FARS2: variants seen among roughly 807,000 people sequenced by gnomAD.
FARS2 encodes the protein phenylalanyl-tRNA synthetase 2, mitochondrial.
FARS2 carries 40 observed loss-of-function variants against 46.4 expected under a neutral mutation model. That is an observed-to-expected ratio of 0.86 (90% confidence interval 0.67 to 1.12). The LOEUF is 1.12. Ranked by LOEUF, FARS2 falls within the 50% of genes most tolerant of loss-of-function variation. The pLI, the probability that FARS2 is intolerant of heterozygous loss-of-function variation, is 0.00. For synonymous variants in FARS2, 234 were observed against 214.9 expected, an observed-to-expected ratio of 1.09 and a Z score of -0.78; for missense variants, 513 against 567.9, an observed-to-expected ratio of 0.90 and a Z score of 0.98.
At chr6:5,571,533 G>T (rs141940940) in intron 5 of FARS2, among the ~76,000 whole-genome samples, 65 of 152,198 alleles carry the variant, frequency 4.3e-4, no homozygotes, top group African/African-American at 1.5e-3. Context: ...TCCAGAGATG[G>T]CTTTCTGAAT....
At position 5,594,892 on chromosome 6, in the gene FARS2, G is replaced by A. The variant is rs181487746; in HGVS notation, c.1066-18277G>A. Among the ~76,000 whole-genome samples, 353 of 152,358 alleles carry A rather than the reference G, an allele frequency of 2.3e-3. 4 individuals are homozygous for A. The highest frequency in any genetic ancestry group is 0.02 in the Admixed American group (308 of 15,308). ...TCCTGGTTGCCAGTGTATAGGAGCC[G>A]TGTTGCTGAGCCCCTGACAGGAATA... On this transcript the variant is annotated intron_variant, in intron 5 of 6. Coordinates refer to ENST00000274680, the MANE Select transcript of FARS2 (RefSeq NM_006567.5).
Position 5,731,512 on chromosome 6 carries a change from G to A in FARS2, c.1218-39779G>A, listed in dbSNP as rs181402979. Among the ~76,000 whole-genome samples the A allele has an allele frequency of 1.6e-3, 242 of 152,274 alleles. 1 individual carries two copies. The highest frequency in any genetic ancestry group is 5.6e-3 in the African/African-American group (231 of 41,554). ...CTGCCCCTTGGATTAGAAGCCATGG[G>A]CGCCATTCTTTGAGCACTTTTCACA... On this transcript the variant is annotated intron_variant, in intron 6 of 6. Coordinates refer to ENST00000274680, the MANE Select transcript of FARS2 (RefSeq NM_006567.5).
intron 4 of FARS2, among the ~76,000 whole-genome samples, chr6:5,493,363 A>T (rs1469811979): frequency 6.6e-6 from 1 of 152,200 alleles, no homozygotes; most frequent in African/African-American, 2.4e-5. Flanking sequence ...TAGGGATCAC[A>T]TGTCTCTTAG....
Position 5,708,420 on chromosome 6 carries a change from G to T in FARS2, c.1218-62871G>T, listed in dbSNP as rs546311125. Among the ~76,000 whole-genome samples the T allele has an allele frequency of 3.3e-3, 502 of 152,328 alleles. 3 individuals are homozygous for T. Among genetic ancestry groups the T allele is most frequent in the Non-Finnish European group, 5.4e-3 (368 of 68,038 alleles). Reference sequence around the variant, plus strand: ...AGTCCTACATGATCAGTGAGCTCCAGTTTGTCCTGTGGTCCCCTAGGCTGT... The same window carrying T: ...AGTCCTACATGATCAGTGAGCTCCATTTTGTCCTGTGGTCCCCTAGGCTGT... On this transcript the variant is annotated intron_variant, in intron 6 of 6. Transcript: ENST00000274680.
At chr6:5,655,291 GCA>G (rs1777556951) in intron 6 of FARS2, among the ~76,000 whole-genome samples, 1 of 152,196 alleles carries the variant, frequency 6.6e-6, no homozygotes, top group Non-Finnish European at 1.5e-5. Flanking sequence ...TGGTGTTTGA[GCA>G]GTAATCCTTT....
chr6:5,597,733 GTCTAC>G (rs1317828866), intron 5 of FARS2, among the ~76,000 whole-genome samples: 1 of 152,086 alleles, frequency 6.6e-6, no homozygotes, highest in African/African-American at 2.4e-5. Flanking sequence ...TTTTGTTGAA[GTCTAC>G]TCTAATATTA....
At position 5,764,924 on chromosome 6, in the gene FARS2, G is replaced by A. The variant is rs1008192656; in HGVS notation, c.1218-6367G>A. Among the ~76,000 whole-genome samples, 3 of 152,224 alleles carry A rather than the reference G, an allele frequency of 2.0e-5. No individual in the cohort carries two copies. The highest frequency in any genetic ancestry group is 7.2e-5 in the African/African-American group (3 of 41,464). ...TCTCCTTCTTGGCACACTTTGAACTGGAGAGCAGTGACACTCTTGGCAGTG... is the reference window on the plus strand; with the variant it reads ...TCTCCTTCTTGGCACACTTTGAACTAGAGAGCAGTGACACTCTTGGCAGTG... On this transcript the variant is annotated intron_variant, in intron 6 of 6. Transcript: ENST00000274680. The surrounding 1 kb of genome is among the most constrained non-coding windows in gnomAD (Gnocchi z 4.1).
At chr6:5,612,772 T>G (rs1163641903) in intron 5 of FARS2, among the ~76,000 whole-genome samples, 2 of 152,192 alleles carry the variant, frequency 1.3e-5, no homozygotes, top group Non-Finnish European at 2.9e-5. Context: ...TAAGCTCTTA[T>G]TCCTCTACTA....
chr6:5,250,724 C>T, the FARS2 span, among the ~76,000 whole-genome samples: 6 of 88,192 alleles, frequency 6.8e-5, no homozygotes, highest in Non-Finnish European at 1.1e-4. Context: ...TCAGAACAAA[C>T]GTAAGAACTG....
At chr6:5,383,245 G>C (rs954973183) in intron 2 of FARS2, among the ~76,000 whole-genome samples, 4 of 152,108 alleles carry the variant, frequency 2.6e-5, no homozygotes, top group Admixed American at 2.0e-4. Context: ...GTACCACTTA[G>C]TCAATGACCA....
intron 6 of FARS2, among the ~76,000 whole-genome samples, chr6:5,712,385 T>G (rs987868553): frequency 9.2e-5 from 14 of 152,184 alleles, no homozygotes; most frequent in African/African-American, 2.4e-4. Context: ...ACCCTTCTGG[T>G]TTCCAGGCCT....
the FARS2 span, among the ~76,000 whole-genome samples, chr6:5,255,780 C>G: frequency 1.3e-5 from 2 of 152,212 alleles, no homozygotes; most frequent in African/African-American, 4.8e-5. Flanking sequence ...GGGTTGTCCC[C>G]TGTGCATCCC....
chr6:5,608,961 A>G (rs974008991), intron 5 of FARS2, among the ~76,000 whole-genome samples: 1 of 149,294 alleles, frequency 6.7e-6, no homozygotes, highest in Non-Finnish European at 1.5e-5. Context: ...ATGGGTGCCA[A>G]AAAAAAAAAT....
intron 4 of FARS2, among the ~76,000 whole-genome samples, chr6:5,535,262 A>T (rs188261991): frequency 1.6e-4 from 24 of 152,332 alleles, no homozygotes; most frequent in Non-Finnish European, 2.5e-4. Flanking sequence ...ATGCTTTTGT[A>T]AATGCAATTG....
chr6:5,341,215 ATATATATATATATATATATATTT>A (rs1278575614), intron 1 of FARS2, among the ~76,000 whole-genome samples: 389 of 8,402 alleles, frequency 0.046, 36 homozygotes, highest in African/African-American at 0.08. Context: ...ATATATATAT[ATATATATATATATATATATATTT>A]TTTTTTTTTT....
intron 4 of FARS2, among the ~76,000 whole-genome samples, chr6:5,459,567 C>A (rs904137765): frequency 6.6e-6 from 1 of 152,044 alleles, no homozygotes; most frequent in Non-Finnish European, 1.5e-5. Context: ...GTGCCCAGAG[C>A]GGGAGGGACA....
At chr6:5,536,946 T>C (rs1770239647) in intron 4 of FARS2, among the ~76,000 whole-genome samples, 1 of 152,238 alleles carries the variant, frequency 6.6e-6, no homozygotes, top group Non-Finnish European at 1.5e-5. Context: ...GAGATAATCA[T>C]GTACATTTCA....
chr6:5,292,216 G>C (rs1767555633), intron 1 of FARS2, among the ~76,000 whole-genome samples: 1 of 152,180 alleles, frequency 6.6e-6, no homozygotes, highest in African/African-American at 2.4e-5. Context: ...AGATTGGTCA[G>C]GTATTCAGGA....
At chr6:5,337,402 A>ACTG (rs1581815548) in intron 1 of FARS2, among the ~76,000 whole-genome samples, 1 of 151,974 alleles carries the variant, frequency 6.6e-6, no homozygotes, top group Admixed American at 6.6e-5. Flanking sequence ...AGACCTTTTC[A>ACTG]CTGTGAATTC....
Sources: allele counts gnomAD v4.1 joint callset (sites outside exome capture counted in the v4.1 genomes callset), GRCh38; gene constraint gnomAD v4.1.1; non-coding constraint Gnocchi (gnomAD v3.1); transcripts MANE v1.5; gene names NCBI Gene and HGNC (gene_info 2026-07-23, HGNC 2026-07-21).